Variants in EYA1 observed in about 807,000 individuals in gnomAD.
EYA1 encodes the protein EYA transcriptional coactivator and phosphatase 1, also known as protein phosphatase EYA1.
In EYA1, 16 loss-of-function variants were observed where a neutral mutation model predicts 82.0. The observed-to-expected ratio is 0.20, with a 90% CI of 0.13 to 0.30. The LOEUF is 0.30. Among genes scored for constraint, EYA1 ranks in the 10% least tolerant of loss-of-function variants. The probability of loss-of-function intolerance (pLI) is 1.00; values close to 1 mark genes in which losing one functional copy is unlikely to be tolerated. For missense variants in EYA1, 633 were observed against 730.7 expected (o/e 0.87, Z 1.54); for synonymous variants, 261 against 264.4 (o/e 0.99, Z 0.12).
intron 3 of EYA1, among the ~76,000 whole-genome samples, chr8:71,346,722 G>A (rs1199213226): frequency 3.3e-5 from 5 of 152,040 alleles, no homozygotes; most frequent in Non-Finnish European, 5.9e-5. Flanking sequence ...AGGCAACAAT[G>A]TTGACTGTGG....
intron 2 of EYA1, among the ~76,000 whole-genome samples, chr8:71,401,289 A>G (rs1361592745): frequency 6.6e-6 from 1 of 152,202 alleles, no homozygotes; most frequent in African/African-American, 2.4e-5. Flanking sequence ...AGAACTTAAA[A>G]TAAATTTTTT....
At chr8:71,444,576 G>A (rs937118737) in intron 2 of EYA1, among the ~76,000 whole-genome samples, 2 of 152,184 alleles carry the variant, frequency 1.3e-5, no homozygotes, top group East Asian at 3.8e-4. Flanking sequence ...GCCACTCAGG[G>A]CTCATCTTAG....
At chr8:71,450,297 T>A (rs145086609) in intron 2 of EYA1, among the ~76,000 whole-genome samples, 143 of 152,330 alleles carry the variant, frequency 9.4e-4, no homozygotes, top group African/African-American at 3.3e-3. Context: ...TGACTAAAAG[T>A]GAAAGGCGTG....
At chr8:71,398,983 C>T (rs1042274226) in intron 2 of EYA1, among the ~76,000 whole-genome samples, 1 of 152,228 alleles carries the variant, frequency 6.6e-6, no homozygotes, top group African/African-American at 2.4e-5. Flanking sequence ...CCTACTCAAG[C>T]CACAGCAATG....
At chr8:71,410,245 A>C (rs1317368361) in intron 2 of EYA1, among the ~76,000 whole-genome samples, 1 of 126,882 alleles carries the variant, frequency 7.9e-6, no homozygotes, top group Non-Finnish European at 1.7e-5. Flanking sequence ...AATAAGAGCT[A>C]TCTATGACAA....
intron 4 of EYA1, among the ~76,000 whole-genome samples, chr8:71,333,603 T>C (rs576861030): frequency 2.0e-5 from 3 of 152,344 alleles, no homozygotes; most frequent in Admixed American, 1.3e-4. Context: ...GCAGGTTTTA[T>C]TAATGTGAAG....
At chr8:71,535,819 C>T in exon 2 of EYA1, 1 of 1,397,894 alleles carries the variant, frequency 7.2e-7, no homozygotes, top group Non-Finnish European at 9.6e-7. Context: ...TAGCTACACA[C>T]TTCTTCAAAG....
At chr8:71,483,503 T>G (rs1741095872) in intron 2 of EYA1, among the ~76,000 whole-genome samples, 1 of 151,934 alleles carries the variant, frequency 6.6e-6, no homozygotes, top group Non-Finnish European at 1.5e-5. Context: ...TTTTTTAACA[T>G]GCAAAACTAG....
chr8:71,353,031 T>C (rs1453849627), intron 3 of EYA1, among the ~76,000 whole-genome samples: 2 of 152,240 alleles, frequency 1.3e-5, no homozygotes, highest in African/African-American at 4.8e-5. Flanking sequence ...CTCTTCCATA[T>C]ATGTACTCGT....
intron 2 of EYA1, among the ~76,000 whole-genome samples, chr8:71,460,592 T>G (rs1808288986): frequency 6.6e-6 from 1 of 152,116 alleles, no homozygotes; most frequent in South Asian, 2.1e-4. Context: ...TTGTCATGGC[T>G]GGGAAGTGGT....
intron 2 of EYA1, among the ~76,000 whole-genome samples, chr8:71,391,535 T>A (rs1829281868): frequency 6.6e-6 from 1 of 152,244 alleles, no homozygotes; most frequent in African/African-American, 2.4e-5. Flanking sequence ...TTAGATATTT[T>A]GATGATTATG....
chr8:71,440,257 T>A (rs1228577905), intron 2 of EYA1, among the ~76,000 whole-genome samples: 3 of 152,186 alleles, frequency 2.0e-5, no homozygotes, highest in African/African-American at 7.2e-5. Flanking sequence ...TTGAGTTTTA[T>A]ATTTAAAGCT....
chr8:71,263,924 T>C (rs546934820), intron 11 of EYA1, among the ~76,000 whole-genome samples: 13 of 152,214 alleles, frequency 8.5e-5, no homozygotes, highest in Admixed American at 3.9e-4. Context: ...GAACATTATA[T>C]AAAATTCAAA....
chr8:71,504,688 T>C (rs1812056593), intron 2 of EYA1, among the ~76,000 whole-genome samples: 1 of 152,244 alleles, frequency 6.6e-6, no homozygotes, highest in African/African-American at 2.4e-5. Context: ...TATTCTGCTT[T>C]GGTAAATCTG....
At chr8:71,214,444 C>T (rs940977473) in intron 16 of EYA1, among the ~76,000 whole-genome samples, 4 of 152,298 alleles carry the variant, frequency 2.6e-5, no homozygotes, top group African/African-American at 7.2e-5. Flanking sequence ...TCATTTCTTC[C>T]CTTTAGCTTT....
intron 2 of EYA1, among the ~76,000 whole-genome samples, chr8:71,429,933 C>A (rs1467582465): frequency 2.6e-5 from 4 of 152,042 alleles, no homozygotes; most frequent in Non-Finnish European, 4.4e-5. Context: ...ACAGTCAAGT[C>A]CTCTGTGAAA....
At chr8:71,339,162 C>T (rs541098471) in intron 3 of EYA1, among the ~76,000 whole-genome samples, 42 of 152,192 alleles carry the variant, frequency 2.8e-4, no homozygotes, top group African/African-American at 9.6e-4. Context: ...CAGAACAAGC[C>T]ATCTTTCCAA....
intron 11 of EYA1, among the ~76,000 whole-genome samples, chr8:71,258,694 A>C (rs1026502161): frequency 1.3e-5 from 2 of 152,190 alleles, no homozygotes; most frequent in South Asian, 4.2e-4. Context: ...TGCTCATTTT[A>C]TTTTGTTGCC....
rs1830770402 is a variant in EYA1 at position 71,414,725 on chromosome 8, T to A, written c.34-58214A>T. ...AGCCAAGTCACATGGGAACTCTATG[T>A]GGTCAAATATTCTGAAGGTAGATTT... is the stretch of plus-strand genomic sequence containing the variant. On this transcript the variant is annotated intron_variant, in intron 2 of 18. Transcript: ENST00000643681. Among the ~76,000 whole-genome samples, 3 of 152,334 alleles carry A rather than the reference T, an allele frequency of 2.0e-5. No homozygotes were observed. In the South Asian group the frequency reaches 6.2e-4, roughly 32 times the overall value.
Sources: gnomAD v4.1 joint callset for allele counts (sites outside exome capture counted in the v4.1 genomes callset) on GRCh38, gnomAD v4.1.1 for gene constraint, MANE v1.5 for transcripts, NCBI Gene and HGNC (gene_info 2026-07-23, HGNC 2026-07-21) for gene names.